The following NCOA7 variants were observed in gnomAD, a reference collection of about 807,000 sequenced individuals.
The protein encoded by NCOA7 is 140 kDa estrogen receptor-associated protein.
In NCOA7, 45 loss-of-function variants were observed where a neutral mutation model predicts 104.3. That is an observed-to-expected ratio of 0.43 (90% CI 0.34 to 0.55). The LOEUF (loss-of-function observed/expected upper bound fraction) is 0.55, where lower values mean the gene tolerates loss of function less well. Among genes scored for constraint, NCOA7 ranks in the 20% least tolerant of loss-of-function variants. The pLI, the probability that NCOA7 is intolerant of heterozygous loss-of-function variation, is 0.02. For synonymous variants in NCOA7, 398 were observed against 402.3 expected (o/e 0.99, Z 0.13); for missense variants, 1,041 against 1,119.7 (o/e 0.93, Z 1.00).
chr6:125,829,275 C>T lies in NCOA7; in HGVS notation c.50+13871C>T, dbSNP rs1229590546. ...TTCAATTTTTTTAGTAGAACTTTTACATATTATTTTAAGAGACAGATGTAC... is the reference window on the plus strand; with the variant it reads ...TTCAATTTTTTTAGTAGAACTTTTATATATTATTTTAAGAGACAGATGTAC... On this transcript the variant is annotated intron_variant, in intron 2 of 15. Coordinates refer to ENST00000392477, the MANE Select transcript of NCOA7 (RefSeq NM_181782.5). Among the ~76,000 whole-genome samples the T allele has an allele frequency of 7.2e-5, 11 of 152,210 alleles. No homozygotes were observed. In the East Asian group the frequency reaches 1.9e-3, roughly 27 times the overall value.
At chr6:125,882,352 T>C (rs574764680) in intron 6 of NCOA7, 74 bp from the exon 7 acceptor site, 40 of 1,482,070 alleles carry the variant, frequency 2.7e-5, no homozygotes, top group Admixed American at 2.1e-4. Flanking sequence ...AGGGAATTTA[T>C]GGGGCTTGAT....
intron 7 of NCOA7, 52 bp from the exon 8 acceptor site, chr6:125,885,107 G>A: frequency 2.5e-6 from 4 of 1,590,700 alleles, no homozygotes; most frequent in Non-Finnish European, 3.4e-6. Flanking sequence ...TGTGGTAGTT[G>A]CTGAAAGCAT....
At position 125,870,181 on chromosome 6, in the gene NCOA7, C is replaced by G. The variant is rs549526008; in HGVS notation, c.272-4708C>G. Among the ~76,000 whole-genome samples the G allele has an allele frequency of 8.5e-5, 13 of 152,232 alleles. No individual in the cohort carries two copies. In the East Asian group the frequency reaches 2.3e-3, roughly 27 times the overall value. On this transcript the variant is annotated intron_variant, in intron 3 of 15. Coordinates refer to ENST00000392477, the MANE Select transcript of NCOA7 (RefSeq NM_181782.5). ...CTTCTTAATGTTCACATTTTTGAAA[C>G]CTCATTTTTGCCATGGTAACTCTTC...
intron 11 of NCOA7, among the ~76,000 whole-genome samples, chr6:125,918,852 G>T (rs554673396): frequency 2.0e-5 from 3 of 151,804 alleles, no homozygotes; most frequent in African/African-American, 4.8e-5. Context: ...TCCACCGAAG[G>T]CTCCTTTTCA....
intron 10 of NCOA7, among the ~76,000 whole-genome samples, chr6:125,901,928 A>G (rs1785538733): frequency 6.6e-6 from 1 of 152,062 alleles, no homozygotes. Flanking sequence ...AACTCCTCCG[A>G]CCGTCCCCGA....
chr6:125,824,061 G>GTT (rs531706883), intron 2 of NCOA7, among the ~76,000 whole-genome samples: 1 of 147,098 alleles, frequency 6.8e-6, no homozygotes, highest in Non-Finnish European at 1.5e-5. Context: ...GGGAGTGAGG[G>GTT]TTTTTTTTTT....
chr6:125,807,446 G>A (rs987064412), intron 1 of NCOA7, among the ~76,000 whole-genome samples: 9 of 152,082 alleles, frequency 5.9e-5, no homozygotes, highest in Admixed American at 1.3e-4. Flanking sequence ...TCGAGGTGAG[G>A]GGGAGGAAGG....
chr6:125,823,154 T>C (rs917031501), intron 2 of NCOA7, among the ~76,000 whole-genome samples: 2 of 152,182 alleles, frequency 1.3e-5, no homozygotes, highest in African/African-American at 2.4e-5. Context: ...CTTATTTGTT[T>C]ATTGGTTTTA....
chr6:125,835,953 A>G (rs1422752434), intron 2 of NCOA7, among the ~76,000 whole-genome samples: 2 of 152,236 alleles, frequency 1.3e-5, no homozygotes, highest in Non-Finnish European at 2.9e-5. Context: ...TGTAAATATC[A>G]TAGTTAATTC....
rs184712824 is a variant in NCOA7 at position 125,869,139 on chromosome 6, C to T, written c.272-5750C>T. ...TCCAGAGAATTCACAGATGTCTGTA[C>T]GGATTCTGTTTTCAAGCACAATAAT... On this transcript the variant is annotated intron_variant, in intron 3 of 15. Transcript: ENST00000392477. Among the ~76,000 whole-genome samples, 71 of 152,272 alleles carry T rather than the reference C, an allele frequency of 4.7e-4. 1 individual carries two copies. Among genetic ancestry groups the T allele is most frequent in the African/African-American group, 1.5e-3 (64 of 41,562 alleles).
intron 10 of NCOA7, among the ~76,000 whole-genome samples, 189 bp from the exon 11 acceptor site, chr6:125,915,144 C>A (rs1377166331): frequency 6.6e-6 from 1 of 152,120 alleles, no homozygotes; most frequent in Non-Finnish European, 1.5e-5. Context: ...TGCCTGTGGA[C>A]TTTTACTTTA....
intron 1 of NCOA7, chr6:125,810,382 A>G (rs1273008740): frequency 6.6e-6 from 1 of 152,232 alleles, no homozygotes; most frequent in Non-Finnish European, 1.5e-5. Flanking sequence ...TATTTGAATA[A>G]TGAACTGGAT....
At chr6:125,887,130 A>G (rs934645358) in intron 8 of NCOA7, among the ~76,000 whole-genome samples, 1 of 152,242 alleles carries the variant, frequency 6.6e-6, no homozygotes, top group Non-Finnish European at 1.5e-5. Flanking sequence ...ATTAGGTAAA[A>G]GAAGAAAGGG....
At chr6:125,919,569 G>A (rs200902846) in intron 11 of NCOA7, 48 of 834,804 alleles carry the variant, frequency 5.7e-5, no homozygotes, top group East Asian at 3.5e-4. Flanking sequence ...TATTCATTGC[G>A]GAGAGGGTTA....
chr6:125,838,726 A>G (rs1328459781), intron 2 of NCOA7, among the ~76,000 whole-genome samples: 1 of 152,202 alleles, frequency 6.6e-6, no homozygotes, highest in East Asian at 1.9e-4. Flanking sequence ...CCAGGTCCCC[A>G]GACCACCTGT....
intron 3 of NCOA7, among the ~76,000 whole-genome samples, chr6:125,872,567 A>G (rs1046797433): frequency 3.0e-4 from 45 of 152,372 alleles, no homozygotes; most frequent in Admixed American, 1.6e-3. Flanking sequence ...AACAACACTT[A>G]ACCTAATCCC....
chr6:125,917,312 T>C (rs1303038756), intron 11 of NCOA7, among the ~76,000 whole-genome samples: 2 of 152,178 alleles, frequency 1.3e-5, no homozygotes, highest in African/African-American at 4.8e-5. Flanking sequence ...TCTTTTTCTC[T>C]GCTCCTCCTA....
Position 125,889,351 on chromosome 6 carries a change from A to G in NCOA7, c.1297A>G (p.Lys433Glu), listed in dbSNP as rs770167133. The G allele has an allele frequency of 3.7e-6, 6 of 1,614,026 alleles. No homozygotes were observed. The Admixed American group carries it at 1.0e-4, about 27-fold the overall frequency. ...SSQTGGGMHK[K>E]DTLKECLSLD... is the part of the protein sequence containing the mutation. ...TCAAACTGGTGGTGGAATGCACAAA[A>G]AAGACACCTTGAAGGAGTGCCTTTC... The change falls in exon 9 of 16, where the codon AAA becomes GAA. Residue 433 changes from lysine to glutamate, a missense_variant. Lys to Glu is a moderately conservative substitution (Grantham distance 56). This residue lies in a region of NCOA7 where 914 missense variants were observed against 942.7 expected (regional missense o/e 0.97). Transcript: ENST00000392477.
intron 10 of NCOA7, among the ~76,000 whole-genome samples, chr6:125,902,521 A>G (rs934276572): frequency 6.6e-6 from 1 of 151,942 alleles, no homozygotes; most frequent in African/African-American, 2.4e-5. Flanking sequence ...GGGAAGCAAC[A>G]GTAAATTAAA....
Sources: gnomAD v4.1 joint callset for allele counts (sites outside exome capture counted in the v4.1 genomes callset) on GRCh38, gnomAD v4.1.1 for gene constraint, gnomAD v4.1.1 regional missense constraint, MANE v1.5 for transcripts, NCBI Gene and HGNC (gene_info 2026-07-23, HGNC 2026-07-21) for gene names.